Variants in ZC3H4 observed in about 807,000 individuals in gnomAD.
ZC3H4 encodes zinc finger CCCH-type containing 4.
In ZC3H4, 13 loss-of-function variants were observed where a neutral mutation model predicts 108.3. That is an observed-to-expected ratio of 0.12 (90% CI 0.08 to 0.19). ZC3H4 has a LOEUF of 0.19. Among genes scored for constraint, ZC3H4 ranks in the 10% least tolerant of loss-of-function variants. The pLI, the probability that ZC3H4 is intolerant of heterozygous loss-of-function variation, is 1.00. For missense variants in ZC3H4, 1,734 were observed against 1,838.8 expected, an observed-to-expected ratio of 0.94 and a Z score of 1.04; for synonymous variants, 917 against 749.6, an observed-to-expected ratio of 1.22 and a Z score of -3.65.
intron 2 of ZC3H4, among the ~76,000 whole-genome samples, chr19:47,104,096 A>T (rs2057938983): frequency 6.6e-6 from 1 of 152,172 alleles, no homozygotes; most frequent in African/African-American, 2.4e-5. Flanking sequence ...AGACAGGTGG[A>T]TCACCTGAGG....
chr19:47,073,128 C>T (rs747396131), intron 11 of ZC3H4, among the ~76,000 whole-genome samples: 6 of 150,776 alleles, frequency 4.0e-5, no homozygotes, highest in Non-Finnish European at 5.9e-5. Flanking sequence ...CAAAAATTAG[C>T]CAGGCATGGT....
chr19:47,087,342 C>T (rs1377741718), intron 5 of ZC3H4, among the ~76,000 whole-genome samples: 1 of 151,306 alleles, frequency 6.6e-6, no homozygotes, highest in African/African-American at 2.4e-5. Context: ...TCTCATTTGT[C>T]TAATTTGATT....
chr19:47,071,503 C>T (rs933626407), intron 13 of ZC3H4, among the ~76,000 whole-genome samples: 4 of 152,176 alleles, frequency 2.6e-5, no homozygotes, highest in African/African-American at 9.7e-5. Flanking sequence ...CACACCCTTG[C>T]ACACTCGTCC....
Position 47,072,785 on chromosome 19 carries a change from G to C in ZC3H4, c.1441-72C>G. On this transcript the variant is annotated intron_variant, in intron 11 of 14. Coordinates refer to ENST00000253048, the MANE Select transcript of ZC3H4 (RefSeq NM_015168.2). This position sits in a 1 kb window ranked among gnomAD's most constrained non-coding sequence, Gnocchi z 5.6. Reference sequence around the variant, plus strand: ...GAAACGGACCTCTCCAGGTCTGAGAGCTGAAGTTTATGAGGAAAAGTCCAT... The same window carrying C: ...GAAACGGACCTCTCCAGGTCTGAGACCTGAAGTTTATGAGGAAAAGTCCAT... 3.2e-6 allele frequency: 5 copies of C among 1,558,768 alleles called. No individual in the cohort carries two copies. The highest frequency in any genetic ancestry group is 4.4e-6 in the Non-Finnish European group (5 of 1,149,070).
intron 11 of ZC3H4, among the ~76,000 whole-genome samples, chr19:47,074,179 C>G (rs2057378465): frequency 6.6e-6 from 1 of 152,188 alleles, no homozygotes; most frequent in Non-Finnish European, 1.5e-5. Flanking sequence ...CTCAACGTCA[C>G]TCAACTGTTG....
rs1472606996 is a variant in ZC3H4 at position 47,075,190 on chromosome 19, C to A, written c.1441-2477G>T. Among the ~76,000 whole-genome samples the A allele has an allele frequency of 2.0e-5, 3 of 152,162 alleles. No individual in the cohort carries two copies. In the East Asian group the frequency reaches 5.8e-4, roughly 29 times the overall value. On this transcript the variant is annotated intron_variant, in intron 11 of 14. Transcript: ENST00000253048. ...TGTGGAAAACGACGCGGTGGAACCC[C>A]TCTGTCCTTCTGAACCCTGATATTC...
chr19:47,084,865 A>T (rs1438322635), intron 8 of ZC3H4, among the ~76,000 whole-genome samples, 191 bp downstream of exon 8: 1 of 152,216 alleles, frequency 6.6e-6, no homozygotes, highest in East Asian at 1.9e-4. Context: ...TTTTAAACAC[A>T]GGGTCTCAGC....
intron 14 of ZC3H4, 101 bp downstream of exon 14, chr19:47,068,991 C>T (rs2057272909): frequency 1.3e-6 from 2 of 1,570,412 alleles, no homozygotes; most frequent in East Asian, 2.2e-5. Context: ...TAGCCATGGG[C>T]TCCTTCCTGA....
intron 9 of ZC3H4, among the ~76,000 whole-genome samples, chr19:47,083,908 G>A (rs1600048560): frequency 6.6e-6 from 1 of 151,932 alleles, no homozygotes; most frequent in Non-Finnish European, 1.5e-5. Context: ...TGTGGTCATT[G>A]GTCCATCTTC....
Position 47,082,209 on chromosome 19 carries a change from T to C in ZC3H4, c.1305A>G (p.Arg435=). 6.2e-7 allele frequency: 1 copy of C among 1,614,034 alleles called. No homozygotes were observed. The highest frequency in any genetic ancestry group is 8.5e-7 in the Non-Finnish European group (1 of 1,179,900). The stretch of plus-strand genomic sequence containing the variant: ...CGTGCATATAAGGGCAGTTCTCAGC[T>C]CTGGCGCAAAATCCAGTGATGTAAA... ...CKFYITGFCA[R]AENCPYMHGD... The change falls in exon 10 of 15, where the codon AGA becomes AGG. Residue 435 remains arginine (R), a synonymous_variant. Coordinates refer to ENST00000253048, the MANE Select transcript of ZC3H4 (RefSeq NM_015168.2).
intron 11 of ZC3H4, among the ~76,000 whole-genome samples, chr19:47,073,995 A>G (rs10415551): frequency 0.58 from 87,775 of 151,828 alleles, 27,126 homozygotes; most frequent in Non-Finnish European, 0.71. Context: ...CTGGGTGTCT[A>G]GGTATCTGGG....
In ZC3H4 at chr19:47,069,320, G is replaced by A; in HGVS notation, c.2170C>T (p.Leu724=). The part of the protein sequence containing the change: ...DAEDYGHYEE[L]PGEPGEHLFP... ...AGGTGCTCCCCAGGCTCCCCTGGCA[G>A]CTCTTCGTAGTGCCCGTAGTCCTCT... Residue 724 remains leucine, a synonymous_variant, in exon 14 of 15, where the codon CTG becomes TTG. Transcript: ENST00000253048. 1 of 1,613,380 alleles carries A rather than the reference G, an allele frequency of 6.2e-7. No individual in the cohort carries two copies. The highest frequency in any genetic ancestry group is 8.5e-7 in the Non-Finnish European group (1 of 1,179,720).
chr19:47,093,420 G>C (rs2057770463), intron 4 of ZC3H4, among the ~76,000 whole-genome samples: 1 of 152,112 alleles, frequency 6.6e-6, no homozygotes, highest in South Asian at 2.1e-4. Flanking sequence ...TTTGTGAACA[G>C]TGGAAGCCAG....
At chr19:47,106,716 A>T (rs2057972832) in intron 2 of ZC3H4, among the ~76,000 whole-genome samples, 1 of 152,246 alleles carries the variant, frequency 6.6e-6, no homozygotes, top group Non-Finnish European at 1.5e-5. Context: ...AGGCAGTAAC[A>T]ACCCTAGCCC....
At chr19:47,085,034 G>A (rs199653258) in intron 8 of ZC3H4, 22 bp downstream of exon 8, 1 of 1,613,864 alleles carries the variant, frequency 6.2e-7, no homozygotes, top group African/African-American at 1.3e-5. Context: ...CCAAACATCA[G>A]ATCAGAGTGG....
chr19:47,074,248 G>A (rs2057379364), intron 11 of ZC3H4, among the ~76,000 whole-genome samples: 1 of 152,134 alleles, frequency 6.6e-6, no homozygotes, highest in Non-Finnish European at 1.5e-5. Context: ...TTCACTACTG[G>A]GTCACCAGGA....
intron 11 of ZC3H4, among the ~76,000 whole-genome samples, chr19:47,074,846 A>C (rs1280484152): frequency 6.6e-6 from 1 of 152,164 alleles, no homozygotes; most frequent in Non-Finnish European, 1.5e-5. Flanking sequence ...TGCTTCCTCC[A>C]GGCGCCCTCA....
chr19:47,109,615 C>T (rs2058011486), intron 2 of ZC3H4, among the ~76,000 whole-genome samples: 2 of 152,178 alleles, frequency 1.3e-5, no homozygotes, highest in South Asian at 4.1e-4. Context: ...AGATTTCTTC[C>T]TCCCGTAACT....
At chr19:47,095,092 C>T (rs2057800255) in intron 2 of ZC3H4, among the ~76,000 whole-genome samples, 2 of 152,202 alleles carry the variant, frequency 1.3e-5, no homozygotes, top group Non-Finnish European at 2.9e-5. Context: ...AGCACAGACC[C>T]ACATCCCCTC....
Sources: gnomAD v4.1 joint callset for allele counts (sites outside exome capture counted in the v4.1 genomes callset) on GRCh38, gnomAD v4.1.1 for gene constraint, Gnocchi (gnomAD v3.1) non-coding constraint, MANE v1.5 for transcripts, NCBI Gene and HGNC (gene_info 2026-07-23, HGNC 2026-07-21) for gene names.